RBM4: variants seen among roughly 807,000 people sequenced by gnomAD.
RBM4 encodes the protein RNA binding motif protein 4.
In RBM4, 7 loss-of-function variants were observed where a neutral mutation model predicts 29.5. That is an observed-to-expected ratio of 0.24 (90% confidence interval 0.14 to 0.45). RBM4 has a LOEUF of 0.45. Among genes scored for constraint, RBM4 ranks in the 20% least tolerant of loss-of-function variants. The probability of loss-of-function intolerance (pLI) is 1.00; values close to 1 mark genes in which losing one functional copy is unlikely to be tolerated. For synonymous variants in RBM4, 220 were observed against 205.4 expected, an observed-to-expected ratio of 1.07 and a Z score of -0.61; for missense variants, 387 against 502.3, an observed-to-expected ratio of 0.77 and a Z score of 2.19.
At chr11:66,650,134 G>C (rs936826180), downstream of RBM4, among the ~76,000 whole-genome samples, 1 of 152,226 alleles carries the variant, frequency 6.6e-6, no homozygotes, top group Non-Finnish European at 1.5e-5. Flanking sequence ...TTGGAAGTCA[G>C]TTCGGGGTGG....
chr11:66,651,730 T>C (rs1263852822), intron 2 of RBM4, among the ~76,000 whole-genome samples: 1 of 152,166 alleles, frequency 6.6e-6, no homozygotes, highest in Non-Finnish European at 1.5e-5. Flanking sequence ...CAGAATTTTA[T>C]TTCTCACAGT....
intron 2 of RBM4, among the ~76,000 whole-genome samples, chr11:66,662,013 G>A (rs1209139311): frequency 6.6e-6 from 1 of 152,172 alleles, no homozygotes; most frequent in African/African-American, 2.4e-5. Context: ...CTCAGTGACA[G>A]AGCGAGACTC....
In RBM4 at chr11:66,639,771, A is replaced by G; in HGVS notation, c.60A>G (p.Ser20=). 1.2e-6 allele frequency: 2 copies of G among 1,614,060 alleles called. No homozygotes were observed. The highest frequency in any genetic ancestry group is 1.7e-6 in the Non-Finnish European group (2 of 1,180,000). ...AGGCTACAGAGCAGGAGATTCGCTC[A>G]CTCTTCGAGCAGTATGGGAAGGTGC... is the stretch of plus-strand genomic sequence containing the variant. ...PREATEQEIR[S]LFEQYGKVLE... is the part of the protein sequence containing the mutation. Residue 20 remains serine (S), a synonymous_variant, in exon 2 of 4, where the codon TCA becomes TCG. Transcript: ENST00000310092.
At chr11:66,650,498 G>GTCC (rs1938801995), downstream of RBM4, among the ~76,000 whole-genome samples, 1 of 151,668 alleles carries the variant, frequency 6.6e-6, no homozygotes. Flanking sequence ...TTGAAGCTGG[G>GTCC]AGGAGGAGGT....
At chr11:66,657,297 T>C (rs895373781) in intron 2 of RBM4, among the ~76,000 whole-genome samples, 3 of 151,722 alleles carry the variant, frequency 2.0e-5, no homozygotes, top group Admixed American at 6.6e-5. Context: ...ATTTTTTATT[T>C]TTATCTTTTG....
intron 2 of RBM4, among the ~76,000 whole-genome samples, chr11:66,660,982 A>G (rs1255488361): frequency 6.6e-6 from 1 of 152,120 alleles, no homozygotes; most frequent in African/African-American, 2.4e-5. Context: ...TCTAAATCTC[A>G]GTAGCCTTAA....
chr11:66,666,084 T>G (rs1939222241), exon 3 of RBM4: 2 of 941,904 alleles, frequency 2.1e-6, no homozygotes, highest in Non-Finnish European at 3.1e-6. Flanking sequence ...AGCCAGTCAT[T>G]CACCCAATTC....
chr11:66,663,187 A>G (rs1370258934), intron 2 of RBM4, among the ~76,000 whole-genome samples: 1 of 152,230 alleles, frequency 6.6e-6, no homozygotes, highest in Non-Finnish European at 1.5e-5. Context: ...ACAAAGATAA[A>G]TAAGATGTCC....
chr11:66,649,305 A>G (rs1938775311), downstream of RBM4, among the ~76,000 whole-genome samples: 1 of 152,210 alleles, frequency 6.6e-6, no homozygotes, highest in Admixed American at 6.5e-5. Context: ...GCCTTAAGCT[A>G]TTTATTGACT....
chr11:66,660,098 G>T (rs1299063875), intron 2 of RBM4, among the ~76,000 whole-genome samples: 1 of 134,042 alleles, frequency 7.5e-6, no homozygotes, highest in Admixed American at 7.6e-5. Context: ...TCAGATCCTT[G>T]TATACACTGA....
chr11:66,665,779 C>CTA (rs1184193179), intron 2 of RBM4: 1 of 1,348,038 alleles, frequency 7.4e-7, no homozygotes, highest in Non-Finnish European at 1.0e-6. Flanking sequence ...CCACTTATGG[C>CTA]TATATATATA....
At chr11:66,649,360 AC>A (rs1208164072), downstream of RBM4, among the ~76,000 whole-genome samples, 1 of 152,214 alleles carries the variant, frequency 6.6e-6, no homozygotes, top group Non-Finnish European at 1.5e-5. Context: ...AGCCTAGGCA[AC>A]ATAGTAGGAT....
intron 2 of RBM4, among the ~76,000 whole-genome samples, chr11:66,660,649 CTT>C (rs746698768): frequency 2.1e-4 from 28 of 132,542 alleles, no homozygotes; most frequent in Non-Finnish European, 2.6e-4. Context: ...CCGACCTAAA[CTT>C]TTTTTTTTTT....
chr11:66,640,221 T>C (rs1938379486), intron 2 of RBM4, 98 bp downstream of exon 2: 1 of 1,419,054 alleles, frequency 7.0e-7, no homozygotes, highest in African/African-American at 1.4e-5. Flanking sequence ...TAACAGCTGT[T>C]GGCTGGCTGG....
chr11:66,658,186 G>A (rs771022626), intron 2 of RBM4, among the ~76,000 whole-genome samples: 21 of 151,590 alleles, frequency 1.4e-4, no homozygotes, highest in Non-Finnish European at 2.4e-4. Context: ...GCACCACCAC[G>A]CCCGTCTAAT....
intron 2 of RBM4, among the ~76,000 whole-genome samples, chr11:66,661,886 CA>C (rs1215173158): frequency 6.6e-6 from 1 of 152,026 alleles, no homozygotes; most frequent in Non-Finnish European, 1.5e-5. Context: ...GAAAATTCAC[CA>C]GGCGTGGTGG....
rs182259527 is a variant in RBM4 at position 66,656,730 on chromosome 11, G to A, written c.413-9126G>A. 8.5e-4 allele frequency among the ~76,000 whole-genome samples: 129 copies of A among 152,080 alleles called. 3 individuals carry two copies. In the East Asian group the frequency reaches 0.021, roughly 25 times the overall value. On this transcript the variant is annotated intron_variant, in intron 2 of 2. Transcript: ENST00000396053. ...GGCTGGAGTGCAGTGACATGATCTC[G>A]GTTCACTGCAATCTCCACCTCCCGG... is the stretch of plus-strand genomic sequence containing the variant.
intron 2 of RBM4, among the ~76,000 whole-genome samples, chr11:66,663,933 T>C (rs753748691): frequency 9.2e-5 from 14 of 152,128 alleles, no homozygotes; most frequent in Non-Finnish European, 1.8e-4. Flanking sequence ...CACCACCAGC[T>C]GTAGCAAATT....
rs75226596 is a variant in RBM4, at chr11:66,663,018, C to T, written c.413-2838C>T. On this transcript the variant is annotated intron_variant, in intron 2 of 2. Coordinates refer to the RBM4 transcript ENST00000396053. ...AAATAAGGGAAAATTTTTGCTTCAC[C>T]TGTCAAGATTAAGTATAAAATATGT... Among the ~76,000 whole-genome samples the T allele has an allele frequency of 4.6e-5, 7 of 152,294 alleles. No homozygotes were observed. In the East Asian group the frequency reaches 1.3e-3, roughly 29 times the overall value.
Sources: gnomAD v4.1 joint callset for allele counts (sites outside exome capture counted in the v4.1 genomes callset) on GRCh38, gnomAD v4.1.1 for gene constraint, MANE v1.5 for transcripts, NCBI Gene and HGNC (gene_info 2026-07-23, HGNC 2026-07-21) for gene names.